PPFIA3: variants seen among roughly 807,000 people sequenced by gnomAD.
The protein encoded by PPFIA3 is liprin-alpha-3.
A neutral mutation model predicts 145.8 loss-of-function variants in PPFIA3; 26 were observed. The ratio of observed to expected loss-of-function variants is 0.18; its 90% CI spans 0.13 to 0.25. The LOEUF (loss-of-function observed/expected upper bound fraction) is 0.25, where lower values mean the gene tolerates loss of function less well. PPFIA3 is among the 10% of genes least tolerant of loss of function. The pLI is 1.00. For synonymous variants in PPFIA3, 645 were observed against 661.4 expected (o/e 0.98, Z 0.38); for missense variants, 1,008 against 1,587.8 (o/e 0.63, Z 6.21).
At chr19:49,121,785 A>T (rs951160050) in intron 1 of PPFIA3, among the ~76,000 whole-genome samples, 15 of 151,690 alleles carry the variant, frequency 9.9e-5, no homozygotes, top group East Asian at 3.9e-4. Flanking sequence ...TCAAAAAAAA[A>T]TTTTATTTAT....
At chr19:49,146,320 A>G in intron 23 of PPFIA3, 128 bp downstream of exon 23, 2 of 1,238,334 alleles carry the variant, frequency 1.6e-6, no homozygotes, top group Non-Finnish European at 2.3e-6. Flanking sequence ...GCGCTGCGCC[A>G]AGCTTGGCTC....
chr19:49,133,002 C>G lies in PPFIA3; in HGVS notation c.881C>G (p.Ala294Gly). 6.2e-7 allele frequency: 1 copy of G among 1,610,944 alleles called. No individual in the cohort carries two copies. Among genetic ancestry groups the G allele is most frequent in the Non-Finnish European group, 8.5e-7 (1 of 1,179,330 alleles). Residue 294 changes from alanine (A) to glycine (G), a missense_variant and splice_region_variant, in exon 8 of 30, where the codon GCG (alanine) becomes GGG (glycine). By Grantham distance (60) the Ala-to-Gly change is moderately conservative. Transcript: ENST00000334186. The surrounding 1 kb of genome is among the most constrained non-coding windows in gnomAD (Gnocchi z 7.2). ...CGGGGCCCTTTGCTACCTCCGCAGG[C>G]GCTGGCGCAGCGGGAAGATATGGAG... ...NSKLQRDLKE[A>G]LAQREDMEER...
chr19:49,143,992 A>T (rs1009273812), intron 21 of PPFIA3, among the ~76,000 whole-genome samples: 1 of 150,592 alleles, frequency 6.6e-6, no homozygotes, highest in African/African-American at 2.5e-5. Context: ...TTTATACAAT[A>T]TTTTATTTTT....
chr19:49,148,358 T>C, intron 24 of PPFIA3, 100 bp downstream of exon 24: 2 of 1,327,320 alleles, frequency 1.5e-6, no homozygotes. Context: ...CAGGCTTATC[T>C]TGGCCCTTTT....
intron 1 of PPFIA3, among the ~76,000 whole-genome samples, chr19:49,126,560 C>CTTTTTT (rs762895281): frequency 2.7e-4 from 32 of 118,786 alleles, no homozygotes; most frequent in African/African-American, 3.3e-4. Context: ...CCTGGCCTTG[C>CTTTTTT]TTTTTTTTTT....
intron 5 of PPFIA3, 82 bp from the exon 6 acceptor site, chr19:49,129,911 C>T: frequency 6.8e-7 from 1 of 1,471,110 alleles, no homozygotes; most frequent in Non-Finnish European, 9.4e-7. Flanking sequence ...CCGCCTATCC[C>T]CTTAGAGGGC....
chr19:49,138,365 T>A lies in PPFIA3; in HGVS notation c.2014T>A (p.Ser672Thr). Residue 672 changes from serine to threonine, a missense_variant, in exon 16 of 30, where the codon TCT (serine) becomes ACT (threonine). This residue lies in a region of PPFIA3 where 202 missense variants were observed against 241.8 expected (regional missense o/e 0.84). Transcript: ENST00000334186. ...STLASPSPPS[S>T]GHSTPRLAPP... ...CCTTGCCAGCCCCTCCCCTCCCAGCTCTGGCCACTCAACACCCCGCCTGGC... is the reference window on the plus strand; with the variant it reads ...CCTTGCCAGCCCCTCCCCTCCCAGCACTGGCCACTCAACACCCCGCCTGGC... The A allele has an allele frequency of 6.3e-7, 1 of 1,597,490 alleles. No individual in the cohort carries two copies.
intron 1 of PPFIA3, among the ~76,000 whole-genome samples, chr19:49,121,430 C>T (rs1482122344): frequency 1.3e-5 from 2 of 152,258 alleles, no homozygotes; most frequent in South Asian, 2.1e-4. Context: ...CCACCTTAGC[C>T]GCCTGAGTAG....
intron 1 of PPFIA3, among the ~76,000 whole-genome samples, chr19:49,122,234 C>T (rs765055420): frequency 6.6e-6 from 1 of 151,624 alleles, no homozygotes; most frequent in East Asian, 2.0e-4. Flanking sequence ...GCGCCTACCA[C>T]CATGCCCGGC....
Position 49,128,705 on chromosome 19 carries a change from C to G in PPFIA3, c.343-143C>G. 2.2e-6 allele frequency: 2 copies of G among 903,328 alleles called. No individual in the cohort carries two copies. Among genetic ancestry groups the G allele is most frequent in the South Asian group, 1.7e-5 (1 of 57,784 alleles). The allele number at this position is 903,328 out of a possible 1,614,324, so 56.0% of individuals were successfully genotyped here. A position where few individuals can be genotyped will look rare whatever the true frequency, so the allele number is the denominator to read the frequency against. ...CCACCGGTTCCTTGACCCCGACCTCCTCTCTTTTCCTGACCTGTCTCGGTG... is the reference window on the plus strand; with the variant it reads ...CCACCGGTTCCTTGACCCCGACCTCGTCTCTTTTCCTGACCTGTCTCGGTG... On this transcript the variant is annotated intron_variant, in intron 3 of 29. Coordinates refer to ENST00000334186, the MANE Select transcript of PPFIA3 (RefSeq NM_003660.4). This position sits in a 1 kb window ranked among gnomAD's most constrained non-coding sequence, Gnocchi z 4.1.
At chr19:49,131,001 A>G (rs1002395788) in intron 7 of PPFIA3, among the ~76,000 whole-genome samples, 3 of 147,462 alleles carry the variant, frequency 2.0e-5, no homozygotes, top group Non-Finnish European at 4.5e-5. Flanking sequence ...AGCTAGAACT[A>G]CAGGCACCTG....
In PPFIA3 at chr19:49,133,003, G is replaced by A. The variant is rs1414612975; in HGVS notation, c.882G>A (p.Ala294=). The change falls in exon 8 of 30, where the codon GCG becomes GCA. Residue 294 remains alanine, a splice_region_variant and synonymous_variant. Transcript: ENST00000334186. This position sits in a 1 kb window ranked among gnomAD's most constrained non-coding sequence, Gnocchi z 7.2. ...GGGGCCCTTTGCTACCTCCGCAGGC[G>A]CTGGCGCAGCGGGAAGATATGGAGG... ...NSKLQRDLKE[A]LAQREDMEER... is the part of the protein sequence containing the mutation. 1 of 1,611,148 alleles carries A rather than the reference G, an allele frequency of 6.2e-7. No individual in the cohort carries two copies. Among genetic ancestry groups the A allele is most frequent in the Non-Finnish European group, 8.5e-7 (1 of 1,179,412 alleles).
chr19:49,141,766 A>T lies in PPFIA3; in HGVS notation c.2462+253A>T, dbSNP rs10416830. 0.51 allele frequency among the ~76,000 whole-genome samples: 76,597 copies of T among 150,376 alleles called. 20,117 individuals are homozygous for T. Among genetic ancestry groups the T allele is most frequent in the African/African-American group, 0.65 (26,676 of 40,884 alleles). ...TTTATTTTTTCTTTCTTTTTTTAAA[A>T]ATTTTTTTTGTATTTTTTACATTTA... On this transcript the variant is annotated intron_variant, in intron 19 of 29. Transcript: ENST00000334186.
At chr19:49,143,551 T>G (rs1439162528) in intron 21 of PPFIA3, among the ~76,000 whole-genome samples, 1 of 152,046 alleles carries the variant, frequency 6.6e-6, no homozygotes, top group Admixed American at 6.6e-5. Flanking sequence ...TTTTGTATTT[T>G]TAGTAGAGAC....
At chr19:49,121,551 C>T (rs948003867) in intron 1 of PPFIA3, among the ~76,000 whole-genome samples, 6 of 151,930 alleles carry the variant, frequency 3.9e-5, no homozygotes, top group African/African-American at 1.2e-4. Flanking sequence ...CTGAAGCGGG[C>T]GGATCACCTG....
rs1244266636 is a variant in PPFIA3, at chr19:49,149,459, T to C, written c.3355-88T>C. 64 of 1,584,078 alleles carry C rather than the reference T, an allele frequency of 4.0e-5. 1 individual carries two copies. The Middle Eastern group carries it at 8.4e-4, about 21-fold the overall frequency. ...GAGAGGGGCGGGGTTAAAGGAGAGG[T>C]GAGACCCGGAGAGGGGTGGAGTCAA... is the stretch of plus-strand genomic sequence containing the variant. On this transcript the variant is annotated intron_variant, in intron 27 of 29. Coordinates refer to ENST00000334186, the MANE Select transcript of PPFIA3 (RefSeq NM_003660.4). The surrounding 1 kb of genome is among the most constrained non-coding windows in gnomAD (Gnocchi z 5.7).
At chr19:49,123,667 C>T (rs2040963626) in intron 1 of PPFIA3, among the ~76,000 whole-genome samples, 1 of 152,068 alleles carries the variant, frequency 6.6e-6, no homozygotes, top group South Asian at 2.1e-4. Flanking sequence ...GTCTCGAAAT[C>T]CTGACCTCAA....
chr19:49,127,718 T>A, intron 1 of PPFIA3, 141 bp from the exon 2 acceptor site: 1 of 962,056 alleles, frequency 1.0e-6, no homozygotes, highest in South Asian at 1.8e-5. Context: ...ATGATCACAG[T>A]GCCTGGGCCT....
rs931306124 is a variant in PPFIA3, at chr19:49,124,581, G to A, written c.-15-3278G>A. Among the ~76,000 whole-genome samples, 8 of 152,292 alleles carry A rather than the reference G, an allele frequency of 5.3e-5. No homozygotes were observed. The East Asian group carries it at 7.7e-4, about 15-fold the overall frequency. ...TCTAGATTACTTAGGCCTATGAGCG[G>A]TTCTTACCCCAAGCCATTGAAAGCG... On this transcript the variant is annotated intron_variant, in intron 1 of 29. Coordinates refer to ENST00000334186, the MANE Select transcript of PPFIA3 (RefSeq NM_003660.4).
Sources: allele counts gnomAD v4.1 joint callset (sites outside exome capture counted in the v4.1 genomes callset), GRCh38; gene constraint gnomAD v4.1.1; regional missense constraint gnomAD v4.1.1; non-coding constraint Gnocchi (gnomAD v3.1); transcripts MANE v1.5; gene names NCBI Gene and HGNC (gene_info 2026-07-23, HGNC 2026-07-21).